Variants in CPNE8 observed in about 807,000 individuals in gnomAD.
CPNE8 encodes the protein copine-8.
A neutral mutation model predicts 81.5 loss-of-function variants in CPNE8; 45 were observed. The ratio of observed to expected loss-of-function variants is 0.55; its 90% CI spans 0.44 to 0.71. The LOEUF (loss-of-function observed/expected upper bound fraction) is 0.71, where lower values mean the gene tolerates loss of function less well. CPNE8 is among the 30% of genes least tolerant of loss of function. The probability of loss-of-function intolerance (pLI) is 0.00; values close to 1 mark genes in which losing one functional copy is unlikely to be tolerated. For missense variants in CPNE8, 594 were observed against 672.1 expected (o/e 0.88, Z 1.28); for synonymous variants, 252 against 226.3 (o/e 1.11, Z -1.02).
intron 6 of CPNE8, among the ~76,000 whole-genome samples, chr12:38,825,565 G>A (rs961266317): frequency 6.6e-6 from 1 of 152,154 alleles, no homozygotes; most frequent in African/African-American, 2.4e-5. Flanking sequence ...AAGTATGAAT[G>A]GTTGTGTTTT....
At chr12:38,686,193 T>C (rs752531427) in intron 15 of CPNE8, among the ~76,000 whole-genome samples, 20 of 152,184 alleles carry the variant, frequency 1.3e-4, no homozygotes, top group Non-Finnish European at 2.2e-4. Flanking sequence ...CAGGCCACAA[T>C]TGATAACTCC....
chr12:38,777,824 C>A (rs796222139), intron 6 of CPNE8, among the ~76,000 whole-genome samples: 100 of 152,258 alleles, frequency 6.6e-4, no homozygotes, highest in African/African-American at 1.6e-3. Flanking sequence ...TGGCAGGCAC[C>A]AGCAAGCTGA....
At chr12:38,797,712 G>A (rs1942529055) in intron 6 of CPNE8, among the ~76,000 whole-genome samples, 1 of 152,160 alleles carries the variant, frequency 6.6e-6, no homozygotes, top group African/African-American at 2.4e-5. Context: ...TGACTTTGAC[G>A]AGTAGAGAGA....
intron 6 of CPNE8, among the ~76,000 whole-genome samples, chr12:38,827,209 A>G (rs911269383): frequency 6.6e-6 from 1 of 151,696 alleles, no homozygotes; most frequent in Non-Finnish European, 1.5e-5. Context: ...GCCAACGTGC[A>G]TAGGAAAGAA....
At chr12:38,894,644 T>C (rs184439273) in intron 1 of CPNE8, among the ~76,000 whole-genome samples, 2 of 147,050 alleles carry the variant, frequency 1.4e-5, no homozygotes, top group Non-Finnish European at 3.0e-5. Flanking sequence ...ACGTGCTTGC[T>C]CTCACTCCAG....
At chr12:38,899,315 C>G (rs1025826140) in intron 1 of CPNE8, among the ~76,000 whole-genome samples, 1 of 152,006 alleles carries the variant, frequency 6.6e-6, no homozygotes, top group Non-Finnish European at 1.5e-5. Context: ...AAAAGGAACC[C>G]CAGAGAGCTC....
At chr12:38,792,011 T>TAAAA (rs567385045) in intron 6 of CPNE8, among the ~76,000 whole-genome samples, 1 of 139,984 alleles carries the variant, frequency 7.1e-6, no homozygotes, top group Non-Finnish European at 1.6e-5. Flanking sequence ...TAGGAGAAAT[T>TAAAA]AAAAAAAAAA....
intron 6 of CPNE8, among the ~76,000 whole-genome samples, chr12:38,808,942 T>C (rs909126306): frequency 5.3e-5 from 8 of 152,086 alleles, no homozygotes; most frequent in Admixed American, 5.2e-4. Context: ...CTAATTAAAA[T>C]ATATGATATA....
intron 18 of CPNE8, among the ~76,000 whole-genome samples, chr12:38,672,223 T>G (rs1939190530): frequency 6.6e-6 from 1 of 152,206 alleles, no homozygotes; most frequent in South Asian, 2.1e-4. Context: ...TAGGTCTCAC[T>G]TTCCACAGTC....
At chr12:38,838,889 G>A (rs186314248) in intron 5 of CPNE8, among the ~76,000 whole-genome samples, 53 of 152,046 alleles carry the variant, frequency 3.5e-4, no homozygotes, top group African/African-American at 1.3e-3. Context: ...TTCCTAGCTC[G>A]TAATCCCCCT....
intron 13 of CPNE8, among the ~76,000 whole-genome samples, chr12:38,722,069 A>G (rs1940578756): frequency 6.6e-6 from 1 of 152,212 alleles, no homozygotes; most frequent in South Asian, 2.1e-4. Context: ...AGCAGGCCCT[A>G]GCAAACTCAG....
chr12:38,697,882 T>G (rs1939835938), intron 14 of CPNE8, among the ~76,000 whole-genome samples: 1 of 152,210 alleles, frequency 6.6e-6, no homozygotes, highest in Non-Finnish European at 1.5e-5. Flanking sequence ...GAAAGCTTCC[T>G]GGGCCTCACC....
chr12:38,730,402 T>C lies in CPNE8; in HGVS notation c.723-44A>G, dbSNP rs756350442. On this transcript the variant is annotated intron_variant, in intron 10 of 19. Transcript: ENST00000331366. ...AGTACATAATATTGGCTTTCATATA[T>C]TTGTCAACTGTATTTTAAAGTTTTT... The C allele has an allele frequency of 7.2e-6, 8 of 1,103,818 alleles. No individual in the cohort carries two copies. In the East Asian group the frequency reaches 1.9e-4, roughly 26 times the overall value. 68.4% of individuals were successfully genotyped at this position (1,103,818 alleles called of 1,614,324 possible).
chr12:38,855,047 G>C (rs1287383270), intron 3 of CPNE8, among the ~76,000 whole-genome samples: 2 of 152,022 alleles, frequency 1.3e-5, no homozygotes, highest in Non-Finnish European at 2.9e-5. Context: ...AGTCAGTAAA[G>C]TTACAGGATA....
intron 6 of CPNE8, among the ~76,000 whole-genome samples, chr12:38,801,162 C>T (rs1592103137): frequency 2.9e-5 from 1 of 33,980 alleles, no homozygotes; most frequent in East Asian, 1.1e-3. Flanking sequence ...GAGAACGCCA[C>T]AAAGATACTC....
intron 6 of CPNE8, among the ~76,000 whole-genome samples, chr12:38,809,551 G>A (rs1239741411): frequency 6.6e-6 from 1 of 152,122 alleles, no homozygotes; most frequent in African/African-American, 2.4e-5. Context: ...CATAACTATA[G>A]TTGTGACATC....
At chr12:38,724,362 TTGA>T (rs199901899) in intron 12 of CPNE8, among the ~76,000 whole-genome samples, 132 of 6,164 alleles carry the variant, frequency 0.021, no homozygotes, top group East Asian at 0.25. Context: ...TAGGATGATA[TTGA>T]TTTTTTTTAT....
At chr12:38,824,208 G>C (rs1322706738) in intron 6 of CPNE8, among the ~76,000 whole-genome samples, 1 of 152,010 alleles carries the variant, frequency 6.6e-6, no homozygotes, top group Non-Finnish European at 1.5e-5. Context: ...AAATAGAAAT[G>C]CTTTTTCCCA....
chr12:38,899,391 G>T (rs1944429389), intron 1 of CPNE8, among the ~76,000 whole-genome samples: 1 of 152,058 alleles, frequency 6.6e-6, no homozygotes, highest in South Asian at 2.1e-4. Context: ...TGAAAAAAAA[G>T]CTCACATCAG....
Sources: gnomAD v4.1 joint callset for allele counts (sites outside exome capture counted in the v4.1 genomes callset) on GRCh38, gnomAD v4.1.1 for gene constraint, MANE v1.5 for transcripts, NCBI Gene and HGNC (gene_info 2026-07-23, HGNC 2026-07-21) for gene names.